The following ITLN2 variants were observed in gnomAD, a reference collection of about 807,000 sequenced individuals.
The protein encoded by ITLN2 is intelectin-2.
A neutral mutation model predicts 39.4 loss-of-function variants in ITLN2; 29 were observed. That is an observed-to-expected ratio of 0.74 (90% confidence interval 0.55 to 1.00). The LOEUF (loss-of-function observed/expected upper bound fraction) is 1.00, where lower values mean the gene tolerates loss of function less well. Among genes scored for constraint, ITLN2 ranks in the 50% least tolerant of loss-of-function variants. The pLI, the probability that ITLN2 is intolerant of heterozygous loss-of-function variation, is 0.00. For synonymous variants in ITLN2, 156 were observed against 153.4 expected, an observed-to-expected ratio of 1.02 and a Z score of -0.12; for missense variants, 412 against 416.7, an observed-to-expected ratio of 0.99 and a Z score of 0.10.
chr1:160,945,846 C>T (rs1671589045), intron 7 of ITLN2, among the ~76,000 whole-genome samples: 1 of 152,152 alleles, frequency 6.6e-6, no homozygotes, highest in South Asian at 2.1e-4. Context: ...AACTGTGGTG[C>T]TGTCTCCTAC....
At chr1:160,954,056 C>A (rs1671810023) in intron 2 of ITLN2, among the ~76,000 whole-genome samples, 1 of 152,156 alleles carries the variant, frequency 6.6e-6, no homozygotes. Context: ...CTCTGGAGAT[C>A]CCAAGGCCAA....
At position 160,951,036 on chromosome 1, in the gene ITLN2, C is replaced by T; in HGVS notation, c.441+7G>A. 6.2e-7 allele frequency: 1 copy of T among 1,614,216 alleles called. No homozygotes were observed. The highest frequency in any genetic ancestry group is 8.5e-7 in the Non-Finnish European group (1 of 1,180,032). On this transcript the variant is annotated splice_region_variant and intron_variant, in intron 4 of 7. Coordinates refer to ENST00000368029, the MANE Select transcript of ITLN2 (RefSeq NM_080878.3). ...CCTCACCCAAGTAGGAGAGAAGTGG[C>T]ACCAACCTTGTAGTCATCGCTCGTG...
At chr1:160,948,094 C>T in intron 6 of ITLN2, 62 bp from the exon 7 acceptor site, 1 of 1,374,586 alleles carries the variant, frequency 7.3e-7, no homozygotes, top group Non-Finnish European at 1.0e-6. Context: ...AGCAGCATCC[C>T]ATTGGCCAGT....
intron 5 of ITLN2, 93 bp downstream of exon 5, chr1:160,950,460 A>G: frequency 7.1e-7 from 1 of 1,415,038 alleles, no homozygotes. Flanking sequence ...CTCAGTAGTG[A>G]TGTGGAACCA....
chr1:160,951,090 A>T lies in ITLN2; in HGVS notation c.394T>A (p.Tyr132Asn), dbSNP rs1424035647. Residue 132 changes from tyrosine to asparagine, a missense_variant, in exon 4 of 8, where the codon TAC (tyrosine) becomes AAC (asparagine). By Grantham distance (143) the Tyr-to-Asn change is moderately radical. Coordinates refer to ENST00000368029, the MANE Select transcript of ITLN2 (RefSeq NM_080878.3). Reference sequence around the variant, plus strand: ...GCCTCTGCAGATCCAAAGGTGTTGTAGTTGGCCCAGTTGCCATCCCCCTCT... The same window carrying T: ...GCCTCTGCAGATCCAAAGGTGTTGTTGTTGGCCCAGTTGCCATCCCCCTCT... ...YPEGDGNWAN[Y>N]NTFGSAEAAT... The T allele has an allele frequency of 1.2e-6, 2 of 1,614,058 alleles. No homozygotes were observed. Among genetic ancestry groups the T allele is most frequent in the African/African-American group, 2.7e-5 (2 of 74,902 alleles).
In ITLN2 at chr1:160,948,200, G is replaced by A. The variant is rs186779861; in HGVS notation, c.722-168C>T. ...CCTTTATGGCCAGTGGCTGGTGCAC[G>A]TCAGTCCTAAACTTGTCCCCAAGGA... On this transcript the variant is annotated intron_variant, in intron 6 of 7. Transcript: ENST00000368029. Among the ~76,000 whole-genome samples the A allele has an allele frequency of 1.4e-3, 215 of 151,816 alleles. 1 individual carries two copies. Among genetic ancestry groups the A allele is most frequent in the Non-Finnish European group, 2.3e-3 (159 of 68,030 alleles).
At position 160,948,058 on chromosome 1, in the gene ITLN2, G is replaced by T. The variant is rs761983015; in HGVS notation, c.722-26C>A. On this transcript the variant is annotated intron_variant, in intron 6 of 7. Coordinates refer to ENST00000368029, the MANE Select transcript of ITLN2 (RefSeq NM_080878.3). Reference sequence around the variant, plus strand: ...CTGAAAAAGAAGAGGTGAAGAAACAGCCAAGTAGTCAAAGGATGAACTAGA... The same window carrying T: ...CTGAAAAAGAAGAGGTGAAGAAACATCCAAGTAGTCAAAGGATGAACTAGA... 103 of 1,574,246 alleles carry T rather than the reference G, an allele frequency of 6.5e-5. No homozygotes were observed. The Middle Eastern group carries it at 8.3e-4, about 13-fold the overall frequency.
chr1:160,951,438 G>A (rs1235439935), intron 3 of ITLN2, 148 bp from the exon 4 acceptor site: 24 of 1,096,948 alleles, frequency 2.2e-5, no homozygotes, highest in Non-Finnish European at 3.1e-5. Context: ...TGCATCTTGT[G>A]TTCTGCTCAC....
Position 160,945,158 on chromosome 1 carries a change from T to TTCTATAGA in ITLN2, c.959_960insTCTATAGA (p.Leu322Ter), listed in dbSNP as rs1671570361. The TTCTATAGA allele has an allele frequency of 3.7e-6, 6 of 1,602,284 alleles. No homozygotes were observed. Among genetic ancestry groups the TTCTATAGA allele is most frequent in the Admixed American group, 1.8e-5 (1 of 56,212 alleles). ...CTCTGTCTCATCTATAGAACAAGAGTACAGCCGCCTCCGTTATCTCCCGAC... is the reference window on the plus strand; with the variant it reads ...CTCTGTCTCATCTATAGAACAAGAGTTCTATAGAACAGCCGCCTCCGTTATCTCCCGAC... On this transcript the variant is annotated stop_gained and frameshift_variant, in exon 8 of 8. Transcript: ENST00000368029. LOFTEE classifies it high-confidence loss of function.
intron 3 of ITLN2, among the ~76,000 whole-genome samples, chr1:160,951,980 G>A (rs1671756560): frequency 2.0e-5 from 3 of 152,162 alleles, no homozygotes; most frequent in South Asian, 4.1e-4. Flanking sequence ...CCCCCACCCC[G>A]TAGGGTACAC....
At chr1:160,948,955 A>C (rs1671670715) in intron 6 of ITLN2, 1 of 152,238 alleles carries the variant, frequency 6.6e-6, no homozygotes, top group African/African-American at 2.4e-5. Flanking sequence ...GGCGCTCAGC[A>C]TAAGGAGGAC....
rs1671707930 is a variant in ITLN2 at position 160,950,158 on chromosome 1, T to C, written c.609A>G (p.Pro203=). The C allele has an allele frequency of 1.2e-6, 2 of 1,613,806 alleles. No individual in the cohort carries two copies. Among genetic ancestry groups the C allele is most frequent in the East Asian group, 2.2e-5 (1 of 44,890 alleles). The change falls in exon 6 of 8, where the codon CCA becomes CCG. Residue 203 remains proline (P), a synonymous_variant. Coordinates refer to ENST00000368029, the MANE Select transcript of ITLN2 (RefSeq NM_080878.3). ...AACATTTCCCTGATCTGTATTTCAC[T>C]GGGTATTTCTGCAGAGACCCAGAAG... ...HNLFGIYQKY[P]VKYRSGKCWN...
At chr1:160,953,659 C>T (rs749223111) in intron 2 of ITLN2, among the ~76,000 whole-genome samples, 8 of 151,704 alleles carry the variant, frequency 5.3e-5, no homozygotes, top group South Asian at 2.1e-4. Context: ...TGCAGTGAGC[C>T]GACATCACGC....
chr1:160,947,976 T>TCG lies in ITLN2; in HGVS notation c.777_778insCG (p.Asn260ArgfsTer8), dbSNP rs1315400525. 6.2e-7 allele frequency: 1 copy of TCG among 1,614,112 alleles called. No homozygotes were observed. Among genetic ancestry groups the TCG allele is most frequent in the East Asian group, 2.2e-5 (1 of 44,884 alleles). On this transcript the variant is annotated frameshift_variant, in exon 7 of 8. Coordinates refer to ENST00000368029, the MANE Select transcript of ITLN2 (RefSeq NM_080878.3). LOFTEE classifies it high-confidence loss of function. ...ACTTTTATCCCAGCACAAAGGGCGT[T>TCG]GGCTGCTCTCTCGTTATTAAACACC...
In ITLN2 at chr1:160,951,244, G is replaced by A. The variant is rs1185007352; in HGVS notation, c.240C>T (p.Thr80=). 2 of 1,609,620 alleles carry A rather than the reference G, an allele frequency of 1.2e-6. No individual in the cohort carries two copies. Among genetic ancestry groups the A allele is most frequent in the East Asian group, 2.2e-5 (1 of 44,840 alleles). Residue 80 remains threonine, a synonymous_variant, in exon 4 of 8, where the codon ACC becomes ACT. Transcript: ENST00000368029. The part of the protein sequence containing the change: ...LRTKNGVVYQ[T]FCDMTSGGGG... ...CACCCCCAGAAGTCATGTCACAGAA[G>A]GTCTGGTAGACAACACCATTCTTGG... is the stretch of plus-strand genomic sequence containing the variant.
Position 160,950,724 on chromosome 1 carries a change from A to T in ITLN2, c.442-13T>A. The T allele has an allele frequency of 6.2e-7, 1 of 1,608,536 alleles. No homozygotes were observed. The highest frequency in any genetic ancestry group is 8.5e-7 in the Non-Finnish European group (1 of 1,177,048). Reference sequence around the variant, plus strand: ...AGTAGCCAGGGTTCTGGAAAGCAACAGACACTGAGCCTGACTGGGCCAGGA... The same window carrying T: ...AGTAGCCAGGGTTCTGGAAAGCAACTGACACTGAGCCTGACTGGGCCAGGA... On this transcript the variant is annotated splice_polypyrimidine_tract_variant and intron_variant, in intron 4 of 7. Transcript: ENST00000368029.
intron 2 of ITLN2, 22 bp downstream of exon 2, chr1:160,954,365 C>T (rs376377504): frequency 4.5e-6 from 7 of 1,540,446 alleles, no homozygotes; most frequent in Non-Finnish European, 6.2e-6. Context: ...AACTGCAGCT[C>T]CTACTCTCAG....
chr1:160,951,873 C>T (rs139210766), intron 3 of ITLN2, among the ~76,000 whole-genome samples: 1 of 152,216 alleles, frequency 6.6e-6, no homozygotes. Context: ...TCTCACCCCC[C>T]TTCCCATCTT....
Position 160,945,176 on chromosome 1 carries a change from C to A in ITLN2, c.942G>T (p.Glu314Asp), listed in dbSNP as rs1428876308. ...ACAAGAGTACAGCCGCCTCCGTTAT[C>A]TCCCGACTGCAGCTGCTCTTAACGT... Reference protein sequence around the residue: ...GTHVKSSCSREITEAAVLLFY... With the variant: ...GTHVKSSCSRDITEAAVLLFY... Residue 314 changes from glutamate to aspartate, a missense_variant, in exon 8 of 8, where the codon GAG (glutamate) becomes GAT (aspartate). Glu to Asp is a conservative substitution (Grantham distance 45). Coordinates refer to ENST00000368029, the MANE Select transcript of ITLN2 (RefSeq NM_080878.3). 6.2e-7 allele frequency: 1 copy of A among 1,606,522 alleles called. No individual in the cohort carries two copies. The highest frequency in any genetic ancestry group is 8.5e-7 in the Non-Finnish European group (1 of 1,178,084).
Sources: gnomAD v4.1 joint callset for allele counts (sites outside exome capture counted in the v4.1 genomes callset) on GRCh38, gnomAD v4.1.1 for gene constraint, MANE v1.5 for transcripts, NCBI Gene and HGNC (gene_info 2026-07-23, HGNC 2026-07-21) for gene names.